NUP210: variants seen among roughly 807,000 people sequenced by gnomAD.
The protein encoded by NUP210 is nucleoporin 210.
A neutral mutation model predicts 196.0 loss-of-function variants in NUP210; 151 were observed. That is an observed-to-expected ratio of 0.77 (90% CI 0.67 to 0.88). The LOEUF (loss-of-function observed/expected upper bound fraction) is 0.88. Ranked by LOEUF, NUP210 falls within the 40% of genes least tolerant of loss-of-function variation. The pLI is 0.00. For missense variants in NUP210, 2,314 were observed against 2,493.7 expected (o/e 0.93, Z 1.53); for synonymous variants, 1,070 against 1,052.7 (o/e 1.02, Z -0.32).
At chr3:13,358,126 C>T (rs1698244874) in intron 16 of NUP210, 96 bp downstream of exon 16, 1 of 1,113,654 alleles carries the variant, frequency 9.0e-7, no homozygotes, top group Admixed American at 2.2e-5. Context: ...GGAGCTATGT[C>T]CGTTGCAATG....
intron 6 of NUP210, among the ~76,000 whole-genome samples, chr3:13,381,420 C>CTTTTTT (rs10644995): frequency 2.2e-5 from 3 of 134,434 alleles, no homozygotes; most frequent in Non-Finnish European, 3.1e-5. Flanking sequence ...CTTTTCTTTT[C>CTTTTTT]TTTTTTTTTT....
intron 21 of NUP210, 126 bp downstream of exon 21, chr3:13,343,049 A>T: frequency 8.6e-7 from 1 of 1,165,176 alleles, no homozygotes; most frequent in Non-Finnish European, 1.2e-6. Context: ...CCGCAAGCTC[A>T]CAGGGGAAGG....
At chr3:13,336,056 C>T (rs1393486195) in intron 27 of NUP210, among the ~76,000 whole-genome samples, 1 of 152,232 alleles carries the variant, frequency 6.6e-6, no homozygotes, top group African/African-American at 2.4e-5. Flanking sequence ...CCCCCGGGCA[C>T]CAGGGACAGG....
At chr3:13,322,147 A>G (rs765738905) in intron 35 of NUP210, 46 bp downstream of exon 35, 1 of 1,608,288 alleles carries the variant, frequency 6.2e-7, no homozygotes, top group Non-Finnish European at 8.5e-7. Context: ...CCCAGAAGAC[A>G]GAGACTGTCT....
At chr3:13,327,726 C>G (rs376087634) in intron 31 of NUP210, among the ~76,000 whole-genome samples, 1 of 152,108 alleles carries the variant, frequency 6.6e-6, no homozygotes, top group Admixed American at 6.5e-5. Flanking sequence ...GCTGAGGCCC[C>G]GAGGGGAAAG....
chr3:13,324,688 T>C, intron 33 of NUP210, among the ~76,000 whole-genome samples: 1 of 152,304 alleles, frequency 6.6e-6, no homozygotes, highest in Admixed American at 6.5e-5. Flanking sequence ...TCTGGCCAGT[T>C]ACCCTGTAGC....
chr3:13,352,566 T>G (rs1698017430), intron 18 of NUP210, among the ~76,000 whole-genome samples: 1 of 152,180 alleles, frequency 6.6e-6, no homozygotes, highest in Non-Finnish European at 1.5e-5. Context: ...CCCCTGGAAG[T>G]GTGGCCAAGG....
intron 1 of NUP210, among the ~76,000 whole-genome samples, chr3:13,412,366 C>A (rs1373902468): frequency 6.6e-6 from 1 of 151,474 alleles, no homozygotes; most frequent in East Asian, 1.9e-4. Flanking sequence ...CCATGCTCGG[C>A]CCTTTTCTTA....
chr3:13,343,418 T>A, intron 20 of NUP210, 115 bp from the exon 21 acceptor site: 2 of 1,351,784 alleles, frequency 1.5e-6, no homozygotes, highest in Non-Finnish European at 2.0e-6. Flanking sequence ...TATCACCTCA[T>A]GGGATGCCAG....
chr3:13,339,758 T>G, intron 25 of NUP210, 96 bp downstream of exon 25: 2 of 1,161,842 alleles, frequency 1.7e-6, no homozygotes, highest in Non-Finnish European at 2.5e-6. Context: ...AGCAGCACCC[T>G]TGGAGAGGGG....
intron 39 of NUP210, among the ~76,000 whole-genome samples, chr3:13,318,690 T>C (rs773879184): frequency 2.1e-4 from 32 of 152,196 alleles, no homozygotes; most frequent in Non-Finnish European, 3.7e-4. Context: ...ACTTTGCCCA[T>C]TCTTCTGGGA....
At chr3:13,335,854 T>A (rs1056443119) in intron 27 of NUP210, among the ~76,000 whole-genome samples, 1 of 152,234 alleles carries the variant, frequency 6.6e-6, no homozygotes, top group East Asian at 1.9e-4. Context: ...CATGCACAGA[T>A]GCATTTGGAA....
chr3:13,332,054 G>T (rs965444485), intron 29 of NUP210, among the ~76,000 whole-genome samples: 2 of 152,020 alleles, frequency 1.3e-5, no homozygotes, highest in African/African-American at 4.8e-5. Flanking sequence ...TTAGTACCTC[G>T]CATAAAAATG....
rs376137292 is a variant in NUP210 at position 13,327,179 on chromosome 3, G to T, written c.4507+38C>A. On this transcript the variant is annotated intron_variant, in intron 32 of 39. Transcript: ENST00000254508. ...CCCCCACCCAGCTTTGCAAGCGTCC[G>T]TGACTCCACAGGTTCCCTTGCTCAG... 3.8e-6 allele frequency: 6 copies of T among 1,561,696 alleles called. No homozygotes were observed. In the African/African-American group the frequency reaches 8.1e-5, roughly 21 times the overall value.
chr3:13,351,620 G>A (rs1286966857), intron 20 of NUP210: 3 of 398,940 alleles, frequency 7.5e-6, no homozygotes, highest in Non-Finnish European at 1.4e-5. Flanking sequence ...CTGTGTAGCT[G>A]GGACCACAGG....
intron 1 of NUP210, among the ~76,000 whole-genome samples, chr3:13,404,321 T>C (rs1699932707): frequency 6.6e-6 from 1 of 151,990 alleles, no homozygotes; most frequent in Non-Finnish European, 1.5e-5. Flanking sequence ...AAACTCAAAA[T>C]AGAGAAGGTG....
intron 1 of NUP210, among the ~76,000 whole-genome samples, chr3:13,401,133 C>T (rs1321194183): frequency 6.6e-6 from 1 of 151,210 alleles, no homozygotes; most frequent in African/African-American, 2.4e-5. Flanking sequence ...GTGGCAGGTA[C>T]CTGTAATCCC....
chr3:13,382,574 G>A (rs1456510410), intron 6 of NUP210, among the ~76,000 whole-genome samples: 1 of 152,144 alleles, frequency 6.6e-6, no homozygotes, highest in Non-Finnish European at 1.5e-5. Flanking sequence ...AGACATAAAG[G>A]AAATAAAAAT....
At chr3:13,372,293 C>T (rs927154773) in intron 12 of NUP210, among the ~76,000 whole-genome samples, 45 of 152,314 alleles carry the variant, frequency 3.0e-4, no homozygotes, top group African/African-American at 9.1e-4. Context: ...AGGGATGGTG[C>T]GTGCAAAGGC....
Sources: allele counts gnomAD v4.1 joint callset (sites outside exome capture counted in the v4.1 genomes callset), GRCh38; gene constraint gnomAD v4.1.1; transcripts MANE v1.5; gene names NCBI Gene and HGNC (gene_info 2026-07-23, HGNC 2026-07-21).